PTPRD: variants seen among roughly 807,000 people sequenced by gnomAD.
PTPRD encodes receptor-type tyrosine-protein phosphatase delta.
PTPRD carries 34 observed loss-of-function variants against 214.5 expected under a neutral mutation model. That is an observed-to-expected ratio of 0.16 (90% confidence interval 0.12 to 0.21). PTPRD has a LOEUF of 0.21. Among genes scored for constraint, PTPRD ranks in the 10% least tolerant of loss-of-function variants. The pLI, the probability that PTPRD is intolerant of heterozygous loss-of-function variation, is 1.00. For missense variants in PTPRD, 2,545 were observed against 2,398.7 expected (o/e 1.06, Z -1.27); for synonymous variants, 1,128 against 845.7 (o/e 1.33, Z -5.79).
chr9:10,333,585 G>C (rs1207577660), intron 3 of PTPRD, among the ~76,000 whole-genome samples: 1 of 151,770 alleles, frequency 6.6e-6, no homozygotes, highest in African/African-American at 2.4e-5. Flanking sequence ...AAGGCTAGAA[G>C]AAAGACAATA....
chr9:10,554,882 G>T (rs184650592), intron 2 of PTPRD, among the ~76,000 whole-genome samples: 6 of 152,030 alleles, frequency 3.9e-5, no homozygotes, highest in Admixed American at 2.6e-4. Context: ...GGATGGTCTC[G>T]ATCTCCTGAC....
intron 2 of PTPRD, among the ~76,000 whole-genome samples, chr9:10,554,045 C>G (rs984068127): frequency 1.3e-5 from 2 of 152,120 alleles, no homozygotes; most frequent in African/African-American, 4.8e-5. Flanking sequence ...GATTTCCATA[C>G]AAGAACATCA....
Position 10,130,145 on chromosome 9 carries a change from A to T in PTPRD, c.-544-96355T>A, listed in dbSNP as rs562975402. On this transcript the variant is annotated intron_variant, in intron 3 of 45. Transcript: ENST00000381196. ...ATGTAAACTTTTTAGACTAGCACTAACAGTTTTACATAATCTGACTCAAAT... is the reference window on the plus strand; with the variant it reads ...ATGTAAACTTTTTAGACTAGCACTATCAGTTTTACATAATCTGACTCAAAT... Among the ~76,000 whole-genome samples, 7 of 150,386 alleles carry T rather than the reference A, an allele frequency of 4.7e-5. No homozygotes were observed. In the South Asian group the frequency reaches 8.5e-4, roughly 18 times the overall value.
At chr9:10,090,696 G>C (rs1023787605) in intron 3 of PTPRD, among the ~76,000 whole-genome samples, 3 of 144,864 alleles carry the variant, frequency 2.1e-5, no homozygotes, top group Non-Finnish European at 4.5e-5. Flanking sequence ...TAGAAAGCAG[G>C]ATTTATCATG....
At chr9:10,276,788 A>G (rs2094717118) in intron 3 of PTPRD, among the ~76,000 whole-genome samples, 1 of 152,254 alleles carries the variant, frequency 6.6e-6, no homozygotes, top group Non-Finnish European at 1.5e-5. Context: ...TTGTTAAAAA[A>G]TTATAGGTCT....
intron 9 of PTPRD, among the ~76,000 whole-genome samples, chr9:9,310,150 A>G (rs141901240): frequency 2.9e-4 from 44 of 152,300 alleles, no homozygotes; most frequent in African/African-American, 1.0e-3. Context: ...GCAAGGTCAC[A>G]TAGGTCGTTA....
intron 6 of PTPRD, among the ~76,000 whole-genome samples, chr9:9,737,948 G>T (rs2154447418): frequency 6.6e-6 from 1 of 152,162 alleles, no homozygotes; most frequent in South Asian, 2.1e-4. Context: ...CACTAGCAAG[G>T]CATAAGGTTT....
At chr9:8,608,081 T>C (rs941568992) in intron 14 of PTPRD, among the ~76,000 whole-genome samples, 18 of 152,092 alleles carry the variant, frequency 1.2e-4, no homozygotes, top group Admixed American at 5.2e-4. Context: ...CATTATTCAA[T>C]TCCGCATATA....
chr9:8,983,529 G>A (rs745395109), intron 11 of PTPRD, among the ~76,000 whole-genome samples: 1 of 151,146 alleles, frequency 6.6e-6, no homozygotes, highest in Admixed American at 6.6e-5. Context: ...CCCCGCTTTT[G>A]TTTTGGAGAA....
intron 10 of PTPRD, among the ~76,000 whole-genome samples, chr9:9,113,500 C>CT (rs375121198): frequency 1.9e-4 from 29 of 152,136 alleles, no homozygotes; most frequent in African/African-American, 6.5e-4. Context: ...CAAAGTCAGT[C>CT]TTTTCTCTGA....
intron 2 of PTPRD, among the ~76,000 whole-genome samples, chr9:10,589,299 G>A (rs967179089): frequency 1.3e-5 from 2 of 151,996 alleles, no homozygotes; most frequent in African/African-American, 2.4e-5. Context: ...GCCTATAAGA[G>A]GGAAGAACAC....
chr9:10,378,235 T>C (rs923878177), intron 2 of PTPRD, among the ~76,000 whole-genome samples: 2 of 152,030 alleles, frequency 1.3e-5, no homozygotes, highest in African/African-American at 4.8e-5. Context: ...GATGAGCAGG[T>C]TGAAAATATA....
chr9:9,701,921 C>A (rs1315668868), intron 7 of PTPRD, among the ~76,000 whole-genome samples: 4 of 152,102 alleles, frequency 2.6e-5, no homozygotes, highest in Admixed American at 1.3e-4. Context: ...GAGTTCAAGA[C>A]AAGCCTGGCC....
chr9:9,605,880 CT>C (rs1286452041), intron 7 of PTPRD, among the ~76,000 whole-genome samples: 1 of 152,044 alleles, frequency 6.6e-6, no homozygotes, highest in Non-Finnish European at 1.5e-5. Context: ...CATAATGAGG[CT>C]CTTTTATGTT....
chr9:9,846,691 G>C (rs1329032903), intron 5 of PTPRD, among the ~76,000 whole-genome samples: 1 of 152,092 alleles, frequency 6.6e-6, no homozygotes, highest in Non-Finnish European at 1.5e-5. Flanking sequence ...TACCCAGCTT[G>C]TTATTCTGCC....
At chr9:10,434,301 T>C (rs1315015240) in intron 2 of PTPRD, among the ~76,000 whole-genome samples, 1 of 151,918 alleles carries the variant, frequency 6.6e-6, no homozygotes. Flanking sequence ...AAGGCACTTT[T>C]TAAACTAGAA....
chr9:10,251,486 T>C (rs547524215), intron 3 of PTPRD, among the ~76,000 whole-genome samples: 1 of 152,238 alleles, frequency 6.6e-6, no homozygotes, highest in African/African-American at 2.4e-5. Context: ...TCGAGTTATG[T>C]GATTTACAAC....
chr9:9,386,786 G>A (rs576376197), intron 9 of PTPRD, among the ~76,000 whole-genome samples: 8 of 152,034 alleles, frequency 5.3e-5, no homozygotes, highest in South Asian at 2.1e-4. Context: ...GCAAGGAGTA[G>A]GTTATAGTTT....
intron 11 of PTPRD, among the ~76,000 whole-genome samples, chr9:8,787,524 A>C (rs2096037933): frequency 6.6e-6 from 1 of 152,190 alleles, no homozygotes; most frequent in African/African-American, 2.4e-5. Flanking sequence ...TGTACACAAT[A>C]ATCTATATTG....
Sources: gnomAD v4.1 joint callset for allele counts (sites outside exome capture counted in the v4.1 genomes callset) on GRCh38, gnomAD v4.1.1 for gene constraint, MANE v1.5 for transcripts, NCBI Gene and HGNC (gene_info 2026-07-23, HGNC 2026-07-21) for gene names.